Variants in KLHL1 observed in about 807,000 individuals in gnomAD.
KLHL1 encodes kelch like family member 1.
KLHL1 carries 47 observed loss-of-function variants against 77.7 expected under a neutral mutation model. The observed-to-expected ratio is 0.60, with a 90% CI of 0.48 to 0.77. KLHL1 has a LOEUF of 0.77. KLHL1 is among the 30% of genes least tolerant of loss of function. The pLI is 0.00. For missense variants in KLHL1, 925 were observed against 910.8 expected, an observed-to-expected ratio of 1.02 and a Z score of -0.20; for synonymous variants, 360 against 325.2, an observed-to-expected ratio of 1.11 and a Z score of -1.15.
chr13:69,724,363 A>T (rs9572247), intron 8 of KLHL1, among the ~76,000 whole-genome samples: 110,902 of 151,944 alleles, frequency 0.73, 42,339 homozygotes, highest in East Asian at 0.99. Context: ...GGCAATATAA[A>T]CTTTCTAAAT....
chr13:69,964,994 G>C (rs189330854), intron 2 of KLHL1, among the ~76,000 whole-genome samples: 1 of 152,048 alleles, frequency 6.6e-6, no homozygotes, highest in Non-Finnish European at 1.5e-5. Context: ...AAGGGAGCTG[G>C]CCTTTAGTTC....
chr13:69,880,081 T>C (rs1310160370), intron 5 of KLHL1, among the ~76,000 whole-genome samples: 1 of 152,208 alleles, frequency 6.6e-6, no homozygotes, highest in Non-Finnish European at 1.5e-5. Flanking sequence ...GGCACTCATA[T>C]TGTAGAAATA....
At chr13:69,730,400 T>A (rs1363579235) in intron 8 of KLHL1, among the ~76,000 whole-genome samples, 1 of 152,076 alleles carries the variant, frequency 6.6e-6, no homozygotes, top group African/African-American at 2.4e-5. Flanking sequence ...ATATCCATTT[T>A]AAAAACAATA....
intron 3 of KLHL1, among the ~76,000 whole-genome samples, chr13:69,948,700 T>C (rs747788681): frequency 1.5e-4 from 23 of 152,034 alleles, no homozygotes; most frequent in Admixed American, 2.6e-4. Context: ...AAGTGAAGTT[T>C]ATAGAAGAAT....
chr13:69,715,987 T>C (rs964474447), intron 9 of KLHL1, among the ~76,000 whole-genome samples: 2 of 152,126 alleles, frequency 1.3e-5, no homozygotes, highest in Non-Finnish European at 1.5e-5. Context: ...TTAAAATATA[T>C]GGAAATAATA....
At chr13:69,851,151 T>TACTA (rs10633348) in intron 5 of KLHL1, among the ~76,000 whole-genome samples, 141,622 of 151,550 alleles carry the variant, frequency 0.93, 66,404 homozygotes, top group East Asian at 0.99. Flanking sequence ...CTTTTTTAAG[T>TACTA]ACTGTGTTTA....
At chr13:69,928,011 G>T (rs1317418000) in intron 4 of KLHL1, among the ~76,000 whole-genome samples, 1 of 152,192 alleles carries the variant, frequency 6.6e-6, no homozygotes, top group Non-Finnish European at 1.5e-5. Flanking sequence ...CATTAATTAG[G>T]CTACAGTTTG....
At chr13:69,971,149 ATT>A (rs1203440030) in intron 2 of KLHL1, among the ~76,000 whole-genome samples, 2 of 152,114 alleles carry the variant, frequency 1.3e-5, no homozygotes, top group Non-Finnish European at 2.9e-5. Context: ...ACTTGGGTAC[ATT>A]TTAAATTTTT....
At chr13:69,852,542 C>T (rs1280604457) in intron 5 of KLHL1, among the ~76,000 whole-genome samples, 1 of 151,944 alleles carries the variant, frequency 6.6e-6, no homozygotes, top group Non-Finnish European at 1.5e-5. Context: ...TTGACTCACA[C>T]TAATTAGAAG....
At chr13:69,965,461 C>A (rs1884185453) in intron 2 of KLHL1, among the ~76,000 whole-genome samples, 1 of 152,086 alleles carries the variant, frequency 6.6e-6, no homozygotes, top group Non-Finnish European at 1.5e-5. Flanking sequence ...ACTAACTGGC[C>A]ACCCCCTCAT....
intron 1 of KLHL1, among the ~76,000 whole-genome samples, chr13:70,063,920 G>T (rs1868547667): frequency 6.6e-6 from 1 of 151,810 alleles, no homozygotes. Flanking sequence ...TCTTCCTAGG[G>T]TTTAAGTCAT....
rs541678390 is a variant in KLHL1, at chr13:69,904,485, C to T, written c.1015-21990G>A. Among the ~76,000 whole-genome samples the T allele has an allele frequency of 5.9e-5, 9 of 152,262 alleles. No individual in the cohort carries two copies. In the East Asian group the frequency reaches 1.7e-3, roughly 29 times the overall value. On this transcript the variant is annotated intron_variant, in intron 4 of 10. Coordinates refer to ENST00000377844, the MANE Select transcript of KLHL1 (RefSeq NM_020866.3). ...AGCTGAAGTTGACTAGTAATACAGT[C>T]TTTACACTAAATTGAAATTATTCTT...
At chr13:70,082,436 A>C (rs1304689576) in intron 1 of KLHL1, among the ~76,000 whole-genome samples, 4 of 150,944 alleles carry the variant, frequency 2.6e-5, no homozygotes, top group Non-Finnish European at 5.9e-5. Context: ...AGGCTGGGGA[A>C]AGGGATCAAA....
At chr13:69,922,693 A>G (rs940194572) in intron 4 of KLHL1, among the ~76,000 whole-genome samples, 4 of 152,188 alleles carry the variant, frequency 2.6e-5, no homozygotes, top group Non-Finnish European at 4.4e-5. Context: ...GGATACAGAT[A>G]TATTTGGTAA....
intron 1 of KLHL1, among the ~76,000 whole-genome samples, chr13:70,058,904 C>T (rs550230170): frequency 1.3e-5 from 2 of 152,010 alleles, no homozygotes; most frequent in Non-Finnish European, 2.9e-5. Context: ...AGAAACAAAT[C>T]CATATGTCTA....
chr13:69,812,537 A>G (rs1044480500), intron 6 of KLHL1, among the ~76,000 whole-genome samples: 2 of 152,180 alleles, frequency 1.3e-5, no homozygotes, highest in African/African-American at 4.8e-5. Flanking sequence ...GTGAACAGCA[A>G]CCTACAGAAT....
intron 7 of KLHL1, among the ~76,000 whole-genome samples, chr13:69,787,755 TA>T (rs1259085736): frequency 6.6e-6 from 1 of 152,134 alleles, no homozygotes; most frequent in Non-Finnish European, 1.5e-5. Flanking sequence ...TTTCACAACC[TA>T]CTCATCTGAC....
chr13:69,756,807 G>A (rs1326469558), intron 7 of KLHL1, among the ~76,000 whole-genome samples: 1 of 152,084 alleles, frequency 6.6e-6, no homozygotes, highest in Non-Finnish European at 1.5e-5. Flanking sequence ...AGAGAACCAT[G>A]AAAATAATTC....
chr13:70,052,081 G>A (rs183430191), intron 1 of KLHL1, among the ~76,000 whole-genome samples: 330 of 151,596 alleles, frequency 2.2e-3, no homozygotes, highest in Admixed American at 3.0e-3. Flanking sequence ...TTTCTTAGCC[G>A]TGCAATAGGC....
Sources: gnomAD v4.1 joint callset for allele counts (sites outside exome capture counted in the v4.1 genomes callset) on GRCh38, gnomAD v4.1.1 for gene constraint, MANE v1.5 for transcripts, NCBI Gene and HGNC (gene_info 2026-07-23, HGNC 2026-07-21) for gene names.